PTPRG: variants seen among roughly 807,000 people sequenced by gnomAD.
PTPRG encodes protein tyrosine phosphatase receptor type G.
A neutral mutation model predicts 165.3 loss-of-function variants in PTPRG; 102 were observed. That is an observed-to-expected ratio of 0.62 (90% confidence interval 0.53 to 0.73). The LOEUF (loss-of-function observed/expected upper bound fraction) is 0.73. Among genes scored for constraint, PTPRG ranks in the 30% least tolerant of loss-of-function variants. The pLI is 0.00. For synonymous variants in PTPRG, 675 were observed against 669.5 expected (o/e 1.01, Z -0.13); for missense variants, 1,866 against 1,861.4 (o/e 1.00, Z -0.05).
chr3:61,866,503 G>T (rs527301749), intron 2 of PTPRG, among the ~76,000 whole-genome samples: 1 of 151,576 alleles, frequency 6.6e-6, no homozygotes, highest in South Asian at 2.1e-4. Flanking sequence ...GCTAGGATGT[G>T]GGGGAGAGAG....
chr3:61,961,410 G>A (rs189120182), intron 2 of PTPRG, among the ~76,000 whole-genome samples: 4 of 152,152 alleles, frequency 2.6e-5, no homozygotes, highest in East Asian at 1.9e-4. Flanking sequence ...CTTAAAATTC[G>A]GACTTAATTA....
intron 5 of PTPRG, among the ~76,000 whole-genome samples, chr3:62,105,592 C>T (rs1702447418): frequency 6.6e-6 from 1 of 152,156 alleles, no homozygotes; most frequent in Admixed American, 6.5e-5. Context: ...TAGAAGGTTT[C>T]CTGAAGACTT....
At chr3:61,941,466 A>G (rs987977635) in intron 2 of PTPRG, among the ~76,000 whole-genome samples, 2 of 152,142 alleles carry the variant, frequency 1.3e-5, no homozygotes, top group Admixed American at 1.3e-4. Context: ...CTACTAAAAT[A>G]CAAAAAATTA....
At chr3:61,808,236 C>G (rs571579354) in intron 2 of PTPRG, among the ~76,000 whole-genome samples, 20 of 152,134 alleles carry the variant, frequency 1.3e-4, no homozygotes, top group African/African-American at 4.8e-4. Context: ...AAGCCAGAAA[C>G]TAGGAGAAAA....
chr3:61,948,728 A>G (rs1353535541), intron 2 of PTPRG, among the ~76,000 whole-genome samples: 1 of 152,156 alleles, frequency 6.6e-6, no homozygotes, highest in Non-Finnish European at 1.5e-5. Flanking sequence ...GTATTGTATC[A>G]AGCACAGAGG....
chr3:62,194,553 C>T (rs766240106), intron 9 of PTPRG, among the ~76,000 whole-genome samples: 8 of 152,186 alleles, frequency 5.3e-5, no homozygotes, highest in Non-Finnish European at 1.2e-4. Context: ...CAGGGTGGCT[C>T]ACGCCTGCAA....
chr3:61,851,284 C>G (rs555597547), intron 2 of PTPRG, among the ~76,000 whole-genome samples: 14 of 152,096 alleles, frequency 9.2e-5, no homozygotes, highest in South Asian at 2.1e-4. Flanking sequence ...CTAATCAGAA[C>G]TTTTTCACTG....
chr3:62,273,581 T>C lies in PTPRG; in HGVS notation c.3319-117T>C. ...AGCAAATCACCTAGCTGTAAGTGCT[T>C]GAAGGAAATCACTGGGAGGTCCCTG... is the stretch of plus-strand genomic sequence containing the variant. On this transcript the variant is annotated intron_variant, in intron 22 of 29. Transcript: ENST00000474889. This position sits in a 1 kb window ranked among gnomAD's most constrained non-coding sequence, Gnocchi z 4.1. 1.0e-6 allele frequency: 1 copy of C among 1,001,960 alleles called. No individual in the cohort carries two copies. The highest frequency in any genetic ancestry group is 1.5e-6 in the Non-Finnish European group (1 of 652,784). The allele number at this position is 1,001,960 out of a possible 1,614,324, so 62.1% of individuals were successfully genotyped here.
intron 6 of PTPRG, among the ~76,000 whole-genome samples, chr3:62,142,297 A>G (rs1287381085): frequency 6.6e-6 from 1 of 152,038 alleles, no homozygotes; most frequent in Non-Finnish European, 1.5e-5. Flanking sequence ...AGGAAACCCA[A>G]GTGATTATTT....
chr3:62,076,910 G>A (rs377601100), intron 4 of PTPRG, among the ~76,000 whole-genome samples: 138 of 152,304 alleles, frequency 9.1e-4, no homozygotes, highest in Admixed American at 4.1e-3. Context: ...ATGTCAAAAT[G>A]TGTGCCAGCA....
At chr3:61,738,888 T>C (rs530590407) in intron 1 of PTPRG, among the ~76,000 whole-genome samples, 1 of 151,292 alleles carries the variant, frequency 6.6e-6, no homozygotes, top group Non-Finnish European at 1.5e-5. Flanking sequence ...GATCCTCCCG[T>C]CTCAGCCTCC....
At chr3:62,051,184 T>C (rs1354673347) in intron 4 of PTPRG, among the ~76,000 whole-genome samples, 1 of 152,184 alleles carries the variant, frequency 6.6e-6, no homozygotes, top group African/African-American at 2.4e-5. Flanking sequence ...CCAACAAATA[T>C]TTATTGAGTG....
In PTPRG at chr3:62,092,448, A is replaced by AAAAAAAG. The variant is rs1447678726; in HGVS notation, c.615+14196_615+14197insGAAAAAA. The stretch of plus-strand genomic sequence containing the variant: ...GAGCAAGAGTCCATCTGAAAAAAAA[A>AAAAAAAG]AAAAAAAAAAAGAAAAAGACAAGGA... On this transcript the variant is annotated intron_variant, in intron 5 of 29. Transcript: ENST00000474889. 1.2e-3 allele frequency among the ~76,000 whole-genome samples: 186 copies of AAAAAAAG among 150,566 alleles called. 3 individuals are homozygous for AAAAAAAG. The South Asian group carries it at 0.013, about 11-fold the overall frequency.
At chr3:62,052,509 A>G (rs1458890420) in intron 4 of PTPRG, among the ~76,000 whole-genome samples, 2 of 152,174 alleles carry the variant, frequency 1.3e-5, no homozygotes, top group Non-Finnish European at 2.9e-5. Context: ...CCTGGGCAAG[A>G]TAGCTGAGAT....
At chr3:61,975,138 C>T (rs143004688) in intron 2 of PTPRG, among the ~76,000 whole-genome samples, 21 of 152,204 alleles carry the variant, frequency 1.4e-4, no homozygotes, top group African/African-American at 4.6e-4. Context: ...AATCTGTGGA[C>T]GTTGGTCCAT....
chr3:62,018,807 A>G (rs891154162), intron 4 of PTPRG, among the ~76,000 whole-genome samples: 2 of 152,194 alleles, frequency 1.3e-5, no homozygotes, highest in Admixed American at 1.3e-4. Context: ...ACCCACAGTT[A>G]TGGTATGGAT....
At chr3:62,011,776 G>A (rs911122426) in intron 4 of PTPRG, among the ~76,000 whole-genome samples, 5 of 152,202 alleles carry the variant, frequency 3.3e-5, no homozygotes, top group African/African-American at 1.2e-4. Context: ...GTTTTGTGAG[G>A]TAAAACAGCT....
chr3:62,200,332 G>A (rs1290384503), intron 10 of PTPRG, among the ~76,000 whole-genome samples: 1 of 151,984 alleles, frequency 6.6e-6, no homozygotes, highest in African/African-American at 2.4e-5. Context: ...ATGCAATGAT[G>A]CAATCTCTGC....
At chr3:61,584,160 T>C (rs1700377152) in intron 1 of PTPRG, among the ~76,000 whole-genome samples, 1 of 151,792 alleles carries the variant, frequency 6.6e-6, no homozygotes. Context: ...CCTTAACTGC[T>C]TCTCTTGATT....
Sources: allele counts gnomAD v4.1 joint callset (sites outside exome capture counted in the v4.1 genomes callset), GRCh38; gene constraint gnomAD v4.1.1; non-coding constraint Gnocchi (gnomAD v3.1); transcripts MANE v1.5; gene names NCBI Gene and HGNC (gene_info 2026-07-23, HGNC 2026-07-21).